The following HS6ST3 variants were observed in gnomAD, a reference collection of about 807,000 sequenced individuals.
The protein encoded by HS6ST3 is heparan sulfate 6-O-sulfotransferase 3, also known as heparan-sulfate 6-O-sulfotransferase 3.
Under a neutral mutation model 36.7 loss-of-function variants are expected in HS6ST3, and 12 were observed. The observed-to-expected ratio is 0.33, with a 90% CI of 0.21 to 0.53. HS6ST3 has a LOEUF of 0.53. Ranked by LOEUF, HS6ST3 falls within the 20% of genes least tolerant of loss-of-function variation. The probability of loss-of-function intolerance (pLI) is 0.95; values close to 1 mark genes in which losing one functional copy is unlikely to be tolerated. For missense variants in HS6ST3, 584 were observed against 640.9 expected, an observed-to-expected ratio of 0.91 and a Z score of 0.96; for synonymous variants, 240 against 257.5, an observed-to-expected ratio of 0.93 and a Z score of 0.65.
chr13:96,422,018 AT>A (rs1336216576), intron 1 of HS6ST3, among the ~76,000 whole-genome samples: 4 of 152,198 alleles, frequency 2.6e-5, no homozygotes, highest in African/African-American at 7.2e-5. Context: ...CTCCTTCTGA[AT>A]ATATTGCACG....
chr13:96,317,349 TA>T (rs1252951264), intron 1 of HS6ST3, among the ~76,000 whole-genome samples: 69 of 79,142 alleles, frequency 8.7e-4, no homozygotes, highest in East Asian at 2.0e-3. Context: ...TATATATATA[TA>T]TATATATATA....
At chr13:96,459,363 G>T (rs1257772504) in intron 1 of HS6ST3, among the ~76,000 whole-genome samples, 3 of 151,814 alleles carry the variant, frequency 2.0e-5, no homozygotes, top group Non-Finnish European at 2.9e-5. Flanking sequence ...TTCAAAAAAG[G>T]GCTATCAGAA....
At chr13:96,392,988 G>A (rs1356810353) in intron 1 of HS6ST3, among the ~76,000 whole-genome samples, 1 of 152,168 alleles carries the variant, frequency 6.6e-6, no homozygotes, top group Non-Finnish European at 1.5e-5. Flanking sequence ...GGAGGGACCT[G>A]GTGGGAGATG....
At chr13:96,247,514 T>G (rs2054590089) in intron 1 of HS6ST3, among the ~76,000 whole-genome samples, 2 of 152,132 alleles carry the variant, frequency 1.3e-5, no homozygotes, top group Admixed American at 1.3e-4. Context: ...AAAAGGCCCT[T>G]GCTTCCTCTT....
At chr13:96,516,431 C>T (rs1334526085) in intron 1 of HS6ST3, among the ~76,000 whole-genome samples, 2 of 152,130 alleles carry the variant, frequency 1.3e-5, no homozygotes, top group Non-Finnish European at 1.5e-5. Context: ...TCTATATTCA[C>T]ACATATATTG....
chr13:96,320,214 C>T (rs2054996503), intron 1 of HS6ST3, among the ~76,000 whole-genome samples: 1 of 152,140 alleles, frequency 6.6e-6, no homozygotes, highest in Non-Finnish European at 1.5e-5. Context: ...CTTTGATCTT[C>T]TACACACTGT....
intron 1 of HS6ST3, among the ~76,000 whole-genome samples, chr13:96,725,649 C>T (rs1311404588): frequency 6.6e-6 from 1 of 151,696 alleles, no homozygotes; most frequent in South Asian, 2.1e-4. Flanking sequence ...TTGTTGAGAA[C>T]ACAGTTTTTC....
intron 1 of HS6ST3, among the ~76,000 whole-genome samples, chr13:96,124,467 A>G (rs1230258099): frequency 1.4e-5 from 2 of 146,316 alleles, no homozygotes; most frequent in East Asian, 1.9e-4. Context: ...AATAACTAAA[A>G]TAAGATAAAT....
At chr13:96,281,922 C>T (rs7981931) in intron 1 of HS6ST3, among the ~76,000 whole-genome samples, 53,367 of 151,986 alleles carry the variant, frequency 0.35, 9,614 homozygotes, top group South Asian at 0.4. Context: ...AAGAATTTTT[C>T]AGTGGGTCCA....
intron 1 of HS6ST3, among the ~76,000 whole-genome samples, chr13:96,096,384 C>T (rs61966756): frequency 6.6e-6 from 1 of 152,180 alleles, no homozygotes; most frequent in African/African-American, 2.4e-5. Flanking sequence ...GTCTGGGTAA[C>T]TACTGATGTT....
At chr13:96,391,226 G>A (rs547413033) in intron 1 of HS6ST3, among the ~76,000 whole-genome samples, 1 of 152,254 alleles carries the variant, frequency 6.6e-6, no homozygotes, top group East Asian at 1.9e-4. Context: ...GTACATGTAA[G>A]TTTAGAGATG....
At chr13:96,317,855 T>C (rs1210303720) in intron 1 of HS6ST3, among the ~76,000 whole-genome samples, 1 of 152,100 alleles carries the variant, frequency 6.6e-6, no homozygotes, top group African/African-American at 2.4e-5. Flanking sequence ...GCCACTCATA[T>C]AGTCTTCTTT....
At chr13:96,583,785 C>T (rs989033910) in intron 1 of HS6ST3, among the ~76,000 whole-genome samples, 13 of 152,134 alleles carry the variant, frequency 8.5e-5, no homozygotes, top group Non-Finnish European at 1.6e-4. Context: ...CCAATGAGAC[C>T]TCCTTAGAGA....
chr13:96,159,556 T>TG (rs2054126706), intron 1 of HS6ST3, among the ~76,000 whole-genome samples: 1 of 152,228 alleles, frequency 6.6e-6, no homozygotes, highest in South Asian at 2.1e-4. Flanking sequence ...AGATCAGAAC[T>TG]GGGGAAGTAC....
intron 1 of HS6ST3, among the ~76,000 whole-genome samples, chr13:96,661,270 A>C (rs2056645421): frequency 1.3e-5 from 2 of 152,096 alleles, no homozygotes; most frequent in Non-Finnish European, 2.9e-5. Flanking sequence ...ATTTTGGTCT[A>C]TCTCCTTTCT....
At chr13:96,352,948 G>C (rs906283952) in intron 1 of HS6ST3, among the ~76,000 whole-genome samples, 1 of 152,014 alleles carries the variant, frequency 6.6e-6, no homozygotes, top group South Asian at 2.1e-4. Flanking sequence ...ACATTAAGTG[G>C]CAGAGCCAGG....
intron 1 of HS6ST3, among the ~76,000 whole-genome samples, chr13:96,576,776 C>G (rs1390561004): frequency 6.6e-6 from 1 of 151,738 alleles, no homozygotes; most frequent in African/African-American, 2.4e-5. Context: ...ACTCCCATCT[C>G]TACTAAAAAT....
chr13:96,597,909 A>G (rs1467595888), intron 1 of HS6ST3, among the ~76,000 whole-genome samples: 3 of 152,020 alleles, frequency 2.0e-5, no homozygotes, highest in Non-Finnish European at 4.4e-5. Flanking sequence ...AATTTTCCCA[A>G]CACCGTTCAC....
intron 1 of HS6ST3, among the ~76,000 whole-genome samples, chr13:96,702,848 A>G (rs141227925): frequency 2.6e-5 from 4 of 152,344 alleles, no homozygotes; most frequent in Admixed American, 1.3e-4. Flanking sequence ...TGAAGAGGGT[A>G]GGTGACCTGG....
Sources: allele counts gnomAD v4.1 joint callset (sites outside exome capture counted in the v4.1 genomes callset), GRCh38; gene constraint gnomAD v4.1.1; transcripts MANE v1.5; gene names NCBI Gene and HGNC (gene_info 2026-07-23, HGNC 2026-07-21).